The following ZC3H6 variants were observed in gnomAD, a reference collection of about 807,000 sequenced individuals.
The protein encoded by ZC3H6 is zinc finger CCCH domain-containing protein 6.
A neutral mutation model predicts 107.7 loss-of-function variants in ZC3H6; 40 were observed. The ratio of observed to expected loss-of-function variants is 0.37; its 90% CI spans 0.29 to 0.48. The LOEUF is 0.48. Ranked by LOEUF, ZC3H6 falls within the 20% of genes least tolerant of loss-of-function variation. ZC3H6 has a pLI of 0.98. For synonymous variants in ZC3H6, 493 were observed against 487.9 expected (o/e 1.01, Z -0.14); for missense variants, 1,267 against 1,410.4 (o/e 0.90, Z 1.63).
At chr2:112,328,050 C>T (rs1298768487) in intron 11 of ZC3H6, among the ~76,000 whole-genome samples, 1 of 152,088 alleles carries the variant, frequency 6.6e-6, no homozygotes, top group African/African-American at 2.4e-5. Context: ...CCACCATGCA[C>T]AGATAATTTT....
At position 112,322,662 on chromosome 2, in the gene ZC3H6, A is replaced by T. The variant is rs1676825787; in HGVS notation, c.1100A>T (p.Asp367Val). 1 of 1,604,736 alleles carries T rather than the reference A, an allele frequency of 6.2e-7. No homozygotes were observed. The highest frequency in any genetic ancestry group is 8.5e-7 in the Non-Finnish European group (1 of 1,177,678). ...AATTATTTTTAGGTGTTGAATACTG[A>T]TGAAGAACTCATAAATGAAGATGAA... is the stretch of plus-strand genomic sequence containing the variant. ...KKLLDKVLNT[D>V]EELINEDERE... Residue 367 changes from aspartate to valine, a missense_variant, in exon 9 of 12, where the codon GAT (aspartate) becomes GTT (valine). Transcript: ENST00000409871.
At chr2:112,328,708 A>T (rs779194500) in intron 11 of ZC3H6, among the ~76,000 whole-genome samples, 13 of 152,198 alleles carry the variant, frequency 8.5e-5, no homozygotes, top group Non-Finnish European at 1.9e-4. Context: ...TGGGAGGCCA[A>T]GGCGGGTAGA....
rs186445211 is a variant in ZC3H6 at position 112,325,768 on chromosome 2, T to A, written c.2086+571T>A. Among the ~76,000 whole-genome samples the A allele has an allele frequency of 1.2e-3, 188 of 152,214 alleles. 1 individual carries two copies. The highest frequency in any genetic ancestry group is 4.3e-3 in the African/African-American group (179 of 41,552). ...CAAAATGATTCAGTTATTAGAGATA[T>A]TTTTATGTCATAGGCTCTATAATTA... On this transcript the variant is annotated intron_variant, in intron 11 of 11. Coordinates refer to ENST00000409871, the MANE Select transcript of ZC3H6 (RefSeq NM_198581.3).
At position 112,311,925 on chromosome 2, in the gene ZC3H6, T is replaced by C; in HGVS notation, c.735T>C (p.Asp245=). The C allele has an allele frequency of 1.9e-6, 3 of 1,612,292 alleles. No individual in the cohort carries two copies. Among genetic ancestry groups the C allele is most frequent in the Non-Finnish European group, 2.5e-6 (3 of 1,178,966 alleles). The part of the protein sequence containing the change: ...NKGPNVFSVS[D]DFQEYNKPGK... ...GGCCTAATGTGTTTTCAGTATCGGATGACTTTCAAGAGGTACTAAGAATTT... is the reference window on the plus strand; with the variant it reads ...GGCCTAATGTGTTTTCAGTATCGGACGACTTTCAAGAGGTACTAAGAATTT... The change falls in exon 5 of 12, where the codon GAT becomes GAC. Residue 245 remains aspartate, a synonymous_variant. Coordinates refer to ENST00000409871, the MANE Select transcript of ZC3H6 (RefSeq NM_198581.3).
Position 112,338,055 on chromosome 2 carries a change from TCTC to T in ZC3H6, c.*5570_*5572del, listed in dbSNP as rs1465349401. On this transcript the variant is annotated 3_prime_UTR_variant, in exon 12 of 12. Transcript: ENST00000409871. ...ACCTCTGCCTCTGGGTTCAAGCAATTCTCCTGCCTCAGCCTTCTGAGTAGCTGG... is the reference window on the plus strand; with the variant it reads ...ACCTCTGCCTCTGGGTTCAAGCAATTCTGCCTCAGCCTTCTGAGTAGCTGG... The T allele has an allele frequency of 2.0e-5, 3 of 152,308 alleles. No individual in the cohort carries two copies. Among genetic ancestry groups the T allele is most frequent in the East Asian group, 1.9e-4 (1 of 5,184 alleles). 9.4% of individuals were successfully genotyped at this position (152,308 alleles called of 1,614,324 possible). A position where few individuals can be genotyped will look rare whatever the true frequency, so the allele number is the denominator to read the frequency against.
intron 1 of ZC3H6, 111 bp from the exon 2 acceptor site, chr2:112,299,738 G>C: frequency 1.2e-6 from 1 of 857,978 alleles, no homozygotes; most frequent in South Asian, 4.7e-5. Flanking sequence ...TCAAGTGCTT[G>C]TCTAAATGAA....
chr2:112,277,879 C>G (rs1686455882), intron 1 of ZC3H6, among the ~76,000 whole-genome samples: 1 of 151,986 alleles, frequency 6.6e-6, no homozygotes, highest in South Asian at 2.1e-4. Context: ...TCTACAAGAT[C>G]AGATCAATGG....
intron 11 of ZC3H6, among the ~76,000 whole-genome samples, chr2:112,327,116 G>A (rs959005628): frequency 7.2e-5 from 11 of 152,130 alleles, no homozygotes; most frequent in East Asian, 1.9e-4. Flanking sequence ...CATAGTGGTC[G>A]TACTAATTTA....
In ZC3H6 at chr2:112,331,432, A is replaced by C. The variant is rs775568748; in HGVS notation, c.2514A>C (p.Leu838Phe). 6.2e-7 allele frequency: 1 copy of C among 1,613,922 alleles called. No homozygotes were observed. Among genetic ancestry groups the C allele is most frequent in the Non-Finnish European group, 8.5e-7 (1 of 1,179,868 alleles). Residue 838 changes from leucine to phenylalanine, a missense_variant, in exon 12 of 12, where the codon TTA (leucine) becomes TTC (phenylalanine). Coordinates refer to ENST00000409871, the MANE Select transcript of ZC3H6 (RefSeq NM_198581.3). ...TERELREKAF[L>F]IPLDASPGIM... is the part of the protein sequence containing the mutation. ...GAGAACTGAGAGAAAAAGCTTTCTT[A>C]ATACCTTTGGATGCCTCACCTGGCA...
chr2:112,328,631 A>G (rs1000952959), intron 11 of ZC3H6, among the ~76,000 whole-genome samples: 3 of 152,238 alleles, frequency 2.0e-5, no homozygotes, highest in Non-Finnish European at 4.4e-5. Context: ...TACAATTTCA[A>G]TTATAAGCAT....
At chr2:112,314,486 A>G (rs1676655437) in intron 5 of ZC3H6, among the ~76,000 whole-genome samples, 1 of 152,196 alleles carries the variant, frequency 6.6e-6, no homozygotes, top group African/African-American at 2.4e-5. Context: ...AAACAATGAA[A>G]CATTATTTGG....
Position 112,324,488 on chromosome 2 carries a change from T to C in ZC3H6, c.1677T>C (p.His559=), listed in dbSNP as rs1322430696. Residue 559 remains histidine (H), a synonymous_variant, in exon 10 of 12, where the codon CAT becomes CAC. Coordinates refer to ENST00000409871, the MANE Select transcript of ZC3H6 (RefSeq NM_198581.3). ...ACCACTCCCCAGGCTTTCCAGGACATGTGATGAAAGTACCCAGAGAGAATC... is the reference window on the plus strand; with the variant it reads ...ACCACTCCCCAGGCTTTCCAGGACACGTGATGAAAGTACCCAGAGAGAATC... ...GAYHSPGFPG[H]VMKVPRENHC... is the part of the protein sequence containing the mutation. 6.2e-7 allele frequency: 1 copy of C among 1,613,626 alleles called. No individual in the cohort carries two copies. The highest frequency in any genetic ancestry group is 1.3e-5 in the African/African-American group (1 of 74,940).
At chr2:112,305,352 G>C (rs373240010) in intron 3 of ZC3H6, among the ~76,000 whole-genome samples, 2 of 152,158 alleles carry the variant, frequency 1.3e-5, no homozygotes, top group East Asian at 1.9e-4. Flanking sequence ...TAAAATAGTG[G>C]CAGCATTATT....
chr2:112,295,983 G>A lies in ZC3H6; in HGVS notation c.33-3866G>A, dbSNP rs77762255. ...AAGGAGCTCACGTTGAAGGAGAGGCGCAGTAAAAGAAAGGATAAACACTTA... is the reference window on the plus strand; with the variant it reads ...AAGGAGCTCACGTTGAAGGAGAGGCACAGTAAAAGAAAGGATAAACACTTA... On this transcript the variant is annotated intron_variant, in intron 1 of 11. Coordinates refer to ENST00000409871, the MANE Select transcript of ZC3H6 (RefSeq NM_198581.3). 2.1e-4 allele frequency among the ~76,000 whole-genome samples: 32 copies of A among 152,116 alleles called. 1 individual carries two copies. In the East Asian group the frequency reaches 3.3e-3, roughly 16 times the overall value.
intron 1 of ZC3H6, among the ~76,000 whole-genome samples, chr2:112,297,149 C>A (rs1273199251): frequency 6.6e-6 from 1 of 152,096 alleles, no homozygotes; most frequent in Admixed American, 6.5e-5. Flanking sequence ...TTATAGAACA[C>A]CTCAAAAAGA....
At position 112,321,863 on chromosome 2, in the gene ZC3H6, A is replaced by G; in HGVS notation, c.1084A>G (p.Lys362Glu). ...TAAAGAAACAAAGAAACTTTTGGAC[A>G]AAGTGAGTAATATTTTTGTACCTTG... ...LTKETKKLLD[K>E]VLNTDEELIN... is the part of the protein sequence containing the mutation. Residue 362 changes from lysine (K) to glutamate (E), a missense_variant and splice_region_variant, in exon 8 of 12, where the codon AAA (lysine) becomes GAA (glutamate). Lys to Glu is a moderately conservative substitution (Grantham distance 56). Transcript: ENST00000409871. 1 of 1,450,260 alleles carries G rather than the reference A, an allele frequency of 6.9e-7. No homozygotes were observed. The highest frequency in any genetic ancestry group is 9.3e-7 in the Non-Finnish European group (1 of 1,076,828). 89.8% of individuals were successfully genotyped at this position (1,450,260 alleles called of 1,614,324 possible).
Position 112,299,841 on chromosome 2 carries a change from T to G in ZC3H6, c.33-8T>G, listed in dbSNP as rs1174516571. The G allele has an allele frequency of 1.4e-6, 2 of 1,391,080 alleles. No individual in the cohort carries two copies. The highest frequency in any genetic ancestry group is 1.9e-6 in the Non-Finnish European group (2 of 1,068,134). The allele number at this position is 1,391,080 out of a possible 1,614,324, so 86.2% of individuals were successfully genotyped here. A position where few individuals can be genotyped will look rare whatever the true frequency, so the allele number is the denominator to read the frequency against. On this transcript the variant is annotated splice_region_variant and splice_polypyrimidine_tract_variant and intron_variant, in intron 1 of 11. Transcript: ENST00000409871. ...TGATATTTGAAAATTAAAATTTTCC[T>G]TCTATAGAGAAGATGGCGAATTAGA...
At chr2:112,330,712 T>TATTC (rs1306362591) in intron 11 of ZC3H6, among the ~76,000 whole-genome samples, 17 of 152,160 alleles carry the variant, frequency 1.1e-4, no homozygotes, top group Admixed American at 6.5e-4. Context: ...TGGAAGGACA[T>TATTC]TACACATATT....
At chr2:112,279,568 C>G (rs1165590775) in intron 1 of ZC3H6, among the ~76,000 whole-genome samples, 1 of 152,086 alleles carries the variant, frequency 6.6e-6, no homozygotes, top group East Asian at 1.9e-4. Context: ...ACCCTTCCCT[C>G]GCAGCTTTCT....
Sources: allele counts gnomAD v4.1 joint callset (sites outside exome capture counted in the v4.1 genomes callset), GRCh38; gene constraint gnomAD v4.1.1; transcripts MANE v1.5; gene names NCBI Gene and HGNC (gene_info 2026-07-23, HGNC 2026-07-21).